BNC2: variants seen among roughly 807,000 people sequenced by gnomAD.
BNC2 encodes basonuclin zinc finger protein 2.
BNC2 carries 20 observed loss-of-function variants against 76.3 expected under a neutral mutation model. That is an observed-to-expected ratio of 0.26 (90% CI 0.18 to 0.38). BNC2 has a LOEUF of 0.38. Ranked by LOEUF, BNC2 falls within the 10% of genes least tolerant of loss-of-function variation. The probability of loss-of-function intolerance (pLI) is 1.00; values close to 1 mark genes in which losing one functional copy is unlikely to be tolerated. For missense variants in BNC2, 1,382 were observed against 1,399.8 expected (o/e 0.99, Z 0.20); for synonymous variants, 582 against 514.8 (o/e 1.13, Z -1.77).
chr9:16,812,038 C>A (rs1586903671), intron 1 of BNC2, among the ~76,000 whole-genome samples: 1 of 152,370 alleles, frequency 6.6e-6, no homozygotes, highest in East Asian at 1.9e-4. Context: ...GCCTTAACTG[C>A]TTCCAGAGTT....
intron 5 of BNC2, among the ~76,000 whole-genome samples, chr9:16,443,743 A>G (rs1821176241): frequency 6.6e-6 from 1 of 152,218 alleles, no homozygotes; most frequent in African/African-American, 2.4e-5. Flanking sequence ...CGTTAGACCC[A>G]AAGACATACA....
At chr9:16,553,265 T>C (rs1034175959) in intron 4 of BNC2, among the ~76,000 whole-genome samples, 2 of 152,018 alleles carry the variant, frequency 1.3e-5, no homozygotes, top group Non-Finnish European at 1.5e-5. Context: ...AGGAAGAGAG[T>C]GTTCTTTAGA....
At chr9:16,850,501 A>G (rs1209801433) in intron 1 of BNC2, among the ~76,000 whole-genome samples, 5 of 152,236 alleles carry the variant, frequency 3.3e-5, no homozygotes, top group Non-Finnish European at 7.3e-5. Context: ...AAATATTTCT[A>G]GAACTCATCA....
intron 5 of BNC2, among the ~76,000 whole-genome samples, chr9:16,546,946 T>C (rs1818502448): frequency 6.6e-6 from 1 of 152,240 alleles, no homozygotes; most frequent in Non-Finnish European, 1.5e-5. Flanking sequence ...CTTTTATGTA[T>C]AAGCCTGGGT....
At chr9:16,685,037 C>T (rs1490616151) in intron 3 of BNC2, among the ~76,000 whole-genome samples, 3 of 152,210 alleles carry the variant, frequency 2.0e-5, no homozygotes, top group Non-Finnish European at 4.4e-5. Flanking sequence ...CTGCTGTTCT[C>T]CTGAGCCGGG....
At chr9:16,768,702 CCCTCA>C (rs1183692296) in intron 1 of BNC2, among the ~76,000 whole-genome samples, 1 of 152,110 alleles carries the variant, frequency 6.6e-6, no homozygotes, top group Admixed American at 6.5e-5. Flanking sequence ...GTGGTCCCTA[CCCTCA>C]AAGAACTTTT....
chr9:16,792,785 T>C (rs964510530), intron 1 of BNC2, among the ~76,000 whole-genome samples: 5 of 152,234 alleles, frequency 3.3e-5, no homozygotes, highest in African/African-American at 4.8e-5. Flanking sequence ...CATTGACATT[T>C]TCAGTAACAC....
At chr9:16,455,067 A>C (rs1287749223) in intron 5 of BNC2, among the ~76,000 whole-genome samples, 1 of 152,234 alleles carries the variant, frequency 6.6e-6, no homozygotes, top group African/African-American at 2.4e-5. Flanking sequence ...TGAGAAACGG[A>C]GCCCCAGGTG....
chr9:16,554,471 C>G (rs866812157), intron 4 of BNC2, among the ~76,000 whole-genome samples: 2 of 152,164 alleles, frequency 1.3e-5, no homozygotes, highest in Non-Finnish European at 2.9e-5. Flanking sequence ...TCTCATACTT[C>G]ATTTCTTGCA....
intron 1 of BNC2, among the ~76,000 whole-genome samples, chr9:16,846,474 C>T (rs990139482): frequency 6.6e-6 from 1 of 152,186 alleles, no homozygotes; most frequent in African/African-American, 2.4e-5. Context: ...AAGTCCACCA[C>T]GCAACACAGC....
intron 5 of BNC2, among the ~76,000 whole-genome samples, chr9:16,523,065 G>C (rs944827849): frequency 2.0e-5 from 3 of 152,206 alleles, no homozygotes. Flanking sequence ...CATGGAAGCA[G>C]AACTGGTGAG....
intron 3 of BNC2, among the ~76,000 whole-genome samples, chr9:16,613,343 G>GA (rs1211415864): frequency 6.6e-6 from 1 of 152,026 alleles, no homozygotes; most frequent in East Asian, 1.9e-4. Context: ...AAACTTCTAG[G>GA]AAAAAAATCC....
chr9:16,504,364 C>T (rs539642133), intron 5 of BNC2, among the ~76,000 whole-genome samples: 2 of 134,030 alleles, frequency 1.5e-5, no homozygotes, highest in African/African-American at 3.5e-5. Flanking sequence ...TCCAAGTCCA[C>T]ATATTCTGAA....
intron 3 of BNC2, among the ~76,000 whole-genome samples, chr9:16,710,152 G>A (rs1823794490): frequency 6.6e-6 from 1 of 151,912 alleles, no homozygotes; most frequent in African/African-American, 2.4e-5. Context: ...TTCACTTGCT[G>A]AAGCTTGAAT....
At chr9:16,490,038 C>T (rs1822242158) in intron 5 of BNC2, among the ~76,000 whole-genome samples, 1 of 152,134 alleles carries the variant, frequency 6.6e-6, no homozygotes, top group South Asian at 2.1e-4. Context: ...TCCAATAATG[C>T]TCAAATGCAA....
At chr9:16,585,224 T>C (rs1422311698) in intron 3 of BNC2, among the ~76,000 whole-genome samples, 1 of 152,178 alleles carries the variant, frequency 6.6e-6, no homozygotes, top group Non-Finnish European at 1.5e-5. Flanking sequence ...TTTATGTGTA[T>C]TTATTTTTTT....
chr9:16,748,220 T>C (rs184626714), intron 1 of BNC2, among the ~76,000 whole-genome samples: 106 of 152,288 alleles, frequency 7.0e-4, no homozygotes, highest in African/African-American at 2.5e-3. Flanking sequence ...CCTTTCAGGA[T>C]CTGGCAAATA....
rs115234102 is a variant in BNC2, at chr9:16,434,964, T to C, written c.2639+591A>G. On this transcript the variant is annotated intron_variant, in intron 6 of 6. Transcript: ENST00000380672. ...TCTATCCCATTTCCTTCTGATATTT[T>C]CACAACTCTTAAAGAATTCAAGGAC... 4.5e-3 allele frequency: 2,113 copies of C among 470,934 alleles called. 39 individuals carry two copies. The highest frequency in any genetic ancestry group is 0.033 in the African/African-American group (1,666 of 50,192). 29.2% of individuals were successfully genotyped at this position (470,934 alleles called of 1,614,324 possible). A position where few individuals can be genotyped will look rare whatever the true frequency, so the allele number is the denominator to read the frequency against.
At position 16,718,343 on chromosome 9, in the gene BNC2, T is replaced by C. The variant is rs553689398; in HGVS notation, c.330+9454A>G. Among the ~76,000 whole-genome samples, 4 of 152,272 alleles carry C rather than the reference T, an allele frequency of 2.6e-5. No homozygotes were observed. In the South Asian group the frequency reaches 6.2e-4, roughly 24 times the overall value. ...TTCTTATCCCTTCCTACTTACATTA[T>C]AATAGATGACAAAAATAAAGTAAAA... is the stretch of plus-strand genomic sequence containing the variant. On this transcript the variant is annotated intron_variant, in intron 3 of 6. Transcript: ENST00000380672.
Sources: gnomAD v4.1 joint callset for allele counts (sites outside exome capture counted in the v4.1 genomes callset) on GRCh38, gnomAD v4.1.1 for gene constraint, MANE v1.5 for transcripts, NCBI Gene and HGNC (gene_info 2026-07-23, HGNC 2026-07-21) for gene names.